RGS8: variants seen among roughly 807,000 people sequenced by gnomAD.
RGS8 encodes the protein regulator of G-protein signaling 8.
A neutral mutation model predicts 21.7 loss-of-function variants in RGS8; 8 were observed. That is an observed-to-expected ratio of 0.37 (90% CI 0.22 to 0.66). The LOEUF (loss-of-function observed/expected upper bound fraction) is 0.66. Among genes scored for constraint, RGS8 ranks in the 30% least tolerant of loss-of-function variants. The pLI, the probability that RGS8 is intolerant of heterozygous loss-of-function variation, is 0.59. For synonymous variants in RGS8, 80 were observed against 83.6 expected (o/e 0.96, Z 0.24); for missense variants, 157 against 217.9 (o/e 0.72, Z 1.76).
the RGS8 span, among the ~76,000 whole-genome samples, chr1:182,746,695 G>A: frequency 6.7e-6 from 1 of 149,892 alleles, no homozygotes; most frequent in African/African-American, 2.5e-5. Context: ...AAAGAAGGAA[G>A]GAAGGAAAGA....
At chr1:182,694,807 CAAAAA>C in the RGS8 span, among the ~76,000 whole-genome samples, 1 of 92,230 alleles carries the variant, frequency 1.1e-5, no homozygotes, top group African/African-American at 4.0e-5. Context: ...GACTCCTACT[CAAAAA>C]AAAAAAAAAA....
At chr1:182,676,974 T>C (rs1248118439), upstream of RGS8, among the ~76,000 whole-genome samples, 1 of 152,216 alleles carries the variant, frequency 6.6e-6, no homozygotes, top group Non-Finnish European at 1.5e-5. Flanking sequence ...AAATGCCCTG[T>C]AAATTCCAGT....
the RGS8 span, among the ~76,000 whole-genome samples, chr1:182,726,707 G>A: frequency 6.6e-6 from 1 of 151,666 alleles, no homozygotes; most frequent in African/African-American, 2.4e-5. Flanking sequence ...TGTAATTTCT[G>A]TGCCACCACA....
chr1:182,681,069 G>A (rs1267264328), intron 1 of RGS8, among the ~76,000 whole-genome samples: 1 of 152,220 alleles, frequency 6.6e-6, no homozygotes, highest in Non-Finnish European at 1.5e-5. Flanking sequence ...AGTAAACATG[G>A]GCTGTAAATC....
intron 5 of RGS8, among the ~76,000 whole-genome samples, chr1:182,653,688 T>G (rs926110284): frequency 6.6e-6 from 1 of 152,044 alleles, no homozygotes; most frequent in Non-Finnish European, 1.5e-5. Flanking sequence ...AGCCAGACTC[T>G]GTCTCAAAAA....
the RGS8 span, among the ~76,000 whole-genome samples, chr1:182,714,899 T>G: frequency 6.6e-6 from 1 of 152,260 alleles, no homozygotes; most frequent in Non-Finnish European, 1.5e-5. Context: ...TGTTTGGCAT[T>G]TTCTTGGCTT....
chr1:182,742,201 C>G, the RGS8 span, among the ~76,000 whole-genome samples: 1 of 149,356 alleles, frequency 6.7e-6, no homozygotes, highest in Non-Finnish European at 1.5e-5. Context: ...AAGAGGCGCT[C>G]CTCACTTCCT....
the RGS8 span, among the ~76,000 whole-genome samples, chr1:182,722,676 T>G: frequency 6.6e-6 from 1 of 152,106 alleles, no homozygotes; most frequent in East Asian, 1.9e-4. Context: ...GTCCTCTCTG[T>G]TTATAAAGAT....
upstream of RGS8, among the ~76,000 whole-genome samples, chr1:182,674,606 C>A (rs372164480): frequency 6.6e-6 from 1 of 152,176 alleles, no homozygotes; most frequent in East Asian, 1.9e-4. Flanking sequence ...GGCATAATTT[C>A]AGGGAGGAGA....
rs565385376 is a variant in RGS8, at chr1:182,671,803, T to C, written c.-178+46A>G. On this transcript the variant is annotated intron_variant, in intron 1 of 6. Coordinates refer to ENST00000483095, the Ensembl canonical transcript of RGS8. ...TGAAGGGCATGTGTGCATGAACACA[T>C]AGGGGCACACACACACATATACACA... 58 of 1,609,316 alleles carry C rather than the reference T, an allele frequency of 3.6e-5. No homozygotes were observed. In the African/African-American group the frequency reaches 6.8e-4, roughly 19 times the overall value.
upstream of RGS8, among the ~76,000 whole-genome samples, chr1:182,676,739 C>T (rs563391809): frequency 9.5e-4 from 144 of 152,202 alleles, no homozygotes; most frequent in Non-Finnish European, 1.0e-3. Flanking sequence ...TCAAAGAAAA[C>T]CAAGAAGCAC....
intron 5 of RGS8, 104 bp from the exon 7 acceptor site, chr1:182,648,407 T>A (rs1235005110): frequency 8.2e-7 from 1 of 1,216,392 alleles, no homozygotes; most frequent in Non-Finnish European, 1.2e-6. Flanking sequence ...CCCCTAATTG[T>A]CCAAGCTCAC....
the RGS8 span, chr1:182,733,651 A>G: frequency 6.6e-6 from 1 of 152,258 alleles, no homozygotes; most frequent in African/African-American, 2.4e-5. Context: ...CAAAGCAGAT[A>G]GAGCTAAGAA....
chr1:182,687,802 C>T (rs1664740185), upstream of RGS8, among the ~76,000 whole-genome samples: 1 of 152,092 alleles, frequency 6.6e-6, no homozygotes, highest in Admixed American at 6.6e-5. Flanking sequence ...GATGTTGTTG[C>T]CTGCAAAAAA....
chr1:182,665,027 C>T, intron 5 of RGS8, among the ~76,000 whole-genome samples: 1 of 152,182 alleles, frequency 6.6e-6, no homozygotes, highest in East Asian at 1.9e-4. Context: ...CCACCCAGTG[C>T]CTTTCATTTA....
the RGS8 span, among the ~76,000 whole-genome samples, chr1:182,719,223 C>T: frequency 6.6e-6 from 1 of 152,182 alleles, no homozygotes; most frequent in African/African-American, 2.4e-5. Flanking sequence ...AGTGTTAACG[C>T]TCACGCTCAT....
chr1:182,646,386 T>G (rs1571302352), exon 7 of RGS8: 1 of 193,016 alleles, frequency 5.2e-6, no homozygotes, highest in East Asian at 1.3e-4. Context: ...GGTGTGGAGG[T>G]GGTGGGAATT....
At chr1:182,669,499 A>C in intron 3 of RGS8, 125 bp downstream of exon 4, 1 of 1,382,014 alleles carries the variant, frequency 7.2e-7, no homozygotes, top group Non-Finnish European at 1.0e-6. Context: ...GCCTATGGGG[A>C]CAGATGAAAG....
chr1:182,684,854 G>A (rs1165034293), upstream of RGS8, among the ~76,000 whole-genome samples: 2 of 152,192 alleles, frequency 1.3e-5, no homozygotes, highest in African/African-American at 4.8e-5. The surrounding 1 kb of genome is among the most constrained non-coding windows in gnomAD (Gnocchi z 4.2). Flanking sequence ...ACAAGGAGGC[G>A]AAACGGGGTA....
Sources: gnomAD v4.1 joint callset for allele counts (sites outside exome capture counted in the v4.1 genomes callset) on GRCh38, gnomAD v4.1.1 for gene constraint, Gnocchi (gnomAD v3.1) non-coding constraint, MANE v1.5 for transcripts, NCBI Gene and HGNC (gene_info 2026-07-23, HGNC 2026-07-21) for gene names.